SOX5: variants seen among roughly 807,000 people sequenced by gnomAD.
The protein encoded by SOX5 is SRY-box transcription factor 5.
In SOX5, 9 loss-of-function variants were observed where a neutral mutation model predicts 92.0. The observed-to-expected ratio is 0.10, with a 90% CI of 0.06 to 0.17. The LOEUF is 0.17. Ranked by LOEUF, SOX5 falls within the 10% of genes least tolerant of loss-of-function variation. The pLI, the probability that SOX5 is intolerant of heterozygous loss-of-function variation, is 1.00. For synonymous variants in SOX5, 344 were observed against 336.3 expected (o/e 1.02, Z -0.25); for missense variants, 642 against 944.5 (o/e 0.68, Z 4.20).
chr12:24,405,777 TCAAAATG>T (rs1010162299), intron 1 of SOX5, among the ~76,000 whole-genome samples: 14 of 152,130 alleles, frequency 9.2e-5, no homozygotes, highest in Admixed American at 2.0e-4. Context: ...AATGACCAGG[TCAAAATG>T]CAGATTTTAA....
In SOX5 at chr12:24,323,384, T is replaced by C. The variant is rs77791394; in HGVS notation, c.-174+45179A>G. On this transcript the variant is annotated intron_variant, in intron 2 of 4. Transcript: ENST00000446891. The stretch of plus-strand genomic sequence containing the variant: ...AATTAGTGATAGACTAGTGTCAGAG[T>C]GAGATTCAAAATTCTAGACACAAGT... Among the ~76,000 whole-genome samples, 853 of 151,460 alleles carry C rather than the reference T, an allele frequency of 5.6e-3. 10 individuals carry two copies. The highest frequency in any genetic ancestry group is 0.02 in the African/African-American group (818 of 41,396).
At chr12:23,543,115 C>T in intron 13 of SOX5, 96 bp downstream of exon 13, 2 of 970,206 alleles carry the variant, frequency 2.1e-6, no homozygotes, top group Non-Finnish European at 3.1e-6. Flanking sequence ...ATAACACGAC[C>T]TGTATGGCCT....
At chr12:24,083,425 C>G (rs1943601809) in intron 4 of SOX5, among the ~76,000 whole-genome samples, 1 of 152,042 alleles carries the variant, frequency 6.6e-6, no homozygotes, top group African/African-American at 2.4e-5. Context: ...AGGCATTGTA[C>G]CAAGCCATGC....
intron 2 of SOX5, among the ~76,000 whole-genome samples, chr12:24,333,927 TGATGG>T (rs1452037227): frequency 5.1e-4 from 76 of 150,482 alleles, no homozygotes; most frequent in Middle Eastern, 3.6e-3. Context: ...ACTGAATTAA[TGATGG>T]TACTGGTGCA....
chr12:24,521,213 C>A (rs890009128), intron 1 of SOX5, among the ~76,000 whole-genome samples: 3 of 152,162 alleles, frequency 2.0e-5, no homozygotes, highest in Non-Finnish European at 4.4e-5. Flanking sequence ...TGCCACCACA[C>A]CCGGATAATT....
chr12:24,164,310 A>C (rs1565566588), intron 4 of SOX5, among the ~76,000 whole-genome samples: 1 of 152,080 alleles, frequency 6.6e-6, no homozygotes, highest in Admixed American at 6.6e-5. Flanking sequence ...TTCTTCCTTA[A>C]ATATTGTCAT....
chr12:23,910,264 T>G (rs2097337477), intron 1 of SOX5, among the ~76,000 whole-genome samples: 1 of 152,268 alleles, frequency 6.6e-6, no homozygotes, highest in Admixed American at 6.5e-5. Flanking sequence ...AATATGTTTC[T>G]TGTAGAATAT....
chr12:23,959,308 A>C (rs1215465627), intron 4 of SOX5, among the ~76,000 whole-genome samples: 1 of 152,036 alleles, frequency 6.6e-6, no homozygotes, highest in East Asian at 1.9e-4. Context: ...ATGAATTGAA[A>C]ATACAATGGA....
chr12:24,403,534 T>C (rs1181639822), intron 1 of SOX5, among the ~76,000 whole-genome samples: 4 of 152,232 alleles, frequency 2.6e-5, no homozygotes, highest in Non-Finnish European at 5.9e-5. Flanking sequence ...TTTTAAAATA[T>C]TAGTGTGCAG....
intron 2 of SOX5, among the ~76,000 whole-genome samples, chr12:23,869,263 G>C (rs1288768358): frequency 6.6e-6 from 1 of 152,040 alleles, no homozygotes; most frequent in Non-Finnish European, 1.5e-5. Context: ...ATACCCAGAA[G>C]TTCCCTGAAA....
chr12:24,171,532 A>G (rs1245958580), intron 4 of SOX5, among the ~76,000 whole-genome samples: 1 of 152,122 alleles, frequency 6.6e-6, no homozygotes, highest in African/African-American at 2.4e-5. Context: ...CAGCCAACAG[A>G]CAGTTTTTAA....
Position 23,534,420 on chromosome 12 carries a change from G to T in SOX5, c.2091C>A (p.Ser697Arg). 6.2e-7 allele frequency: 1 copy of T among 1,614,084 alleles called. No individual in the cohort carries two copies. The highest frequency in any genetic ancestry group is 8.5e-7 in the Non-Finnish European group (1 of 1,180,018). ...PSPHLPSEHS[S>R]VSSSPEPGMP... ...TCCCAGGCTCTGGGCTGCTAGACACGCTTGAGTGCTCCGAGGGCAGGTGAG... is the reference window on the plus strand; with the variant it reads ...TCCCAGGCTCTGGGCTGCTAGACACTCTTGAGTGCTCCGAGGGCAGGTGAG... The change falls in exon 15 of 15, where the codon AGC becomes AGA. Residue 697 changes from serine to arginine, a missense_variant. Coordinates refer to ENST00000451604, the MANE Select transcript of SOX5 (RefSeq NM_006940.6).
At chr12:24,326,581 A>G (rs1950706283) in intron 2 of SOX5, among the ~76,000 whole-genome samples, 2 of 152,136 alleles carry the variant, frequency 1.3e-5, no homozygotes, top group African/African-American at 2.4e-5. Flanking sequence ...TTTTCCTTAC[A>G]ATATCCAGCA....
chr12:23,638,615 C>T (rs1021116313), intron 8 of SOX5: 4 of 152,112 alleles, frequency 2.6e-5, no homozygotes, highest in Admixed American at 2.6e-4. Flanking sequence ...TTTTCTCTCA[C>T]CCATCTCAGC....
intron 1 of SOX5, among the ~76,000 whole-genome samples, chr12:24,525,309 T>C (rs1950602163): frequency 6.6e-6 from 1 of 152,162 alleles, no homozygotes; most frequent in South Asian, 2.1e-4. Flanking sequence ...CATGAGTTCA[T>C]GTAAATAAGA....
At chr12:23,672,712 C>T (rs567672755) in intron 6 of SOX5, among the ~76,000 whole-genome samples, 1 of 152,076 alleles carries the variant, frequency 6.6e-6, no homozygotes, top group Non-Finnish European at 1.5e-5. Flanking sequence ...CTCTTTCTTT[C>T]AATGGCTCAT....
At chr12:23,723,992 T>C (rs2092974326) in intron 6 of SOX5, among the ~76,000 whole-genome samples, 1 of 152,212 alleles carries the variant, frequency 6.6e-6, no homozygotes, top group Non-Finnish European at 1.5e-5. Flanking sequence ...TTTGCATATG[T>C]GGAAAATGTC....
chr12:24,101,256 G>T (rs1946061221), intron 4 of SOX5, among the ~76,000 whole-genome samples: 1 of 152,036 alleles, frequency 6.6e-6, no homozygotes, highest in African/African-American at 2.4e-5. Context: ...AGCCATACTA[G>T]CTTCCTTCCT....
chr12:24,308,907 G>A (rs1055755204), intron 2 of SOX5, among the ~76,000 whole-genome samples: 1 of 152,090 alleles, frequency 6.6e-6, no homozygotes, highest in African/African-American at 2.4e-5. Context: ...CAGAGACACA[G>A]AAAAGTATTA....
Sources: allele counts gnomAD v4.1 joint callset (sites outside exome capture counted in the v4.1 genomes callset), GRCh38; gene constraint gnomAD v4.1.1; transcripts MANE v1.5; gene names NCBI Gene and HGNC (gene_info 2026-07-23, HGNC 2026-07-21).